EDIL3: variants seen among roughly 807,000 people sequenced by gnomAD.
The protein encoded by EDIL3 is EGF like and discoidin domains 3.
A neutral mutation model predicts 67.4 loss-of-function variants in EDIL3; 37 were observed. That is an observed-to-expected ratio of 0.55 (90% CI 0.42 to 0.72). The LOEUF is 0.72. Among genes scored for constraint, EDIL3 ranks in the 30% least tolerant of loss-of-function variants. EDIL3 has a pLI of 0.00. For missense variants in EDIL3, 527 were observed against 586.3 expected (o/e 0.90, Z 1.04); for synonymous variants, 195 against 196.3 (o/e 0.99, Z 0.05).
intron 1 of EDIL3, among the ~76,000 whole-genome samples, chr5:84,303,959 T>C (rs1357416630): frequency 6.6e-6 from 1 of 152,050 alleles, no homozygotes; most frequent in East Asian, 1.9e-4. Context: ...TTTTCCATTC[T>C]ACAATATATT....
chr5:84,321,960 G>A (rs916351250), intron 1 of EDIL3, among the ~76,000 whole-genome samples: 1 of 152,022 alleles, frequency 6.6e-6, no homozygotes, highest in Admixed American at 6.6e-5. Flanking sequence ...CATGTATGCT[G>A]AGGAAAAGGC....
chr5:84,180,245 G>T (rs995613140), intron 4 of EDIL3, 148 bp downstream of exon 4: 2 of 811,672 alleles, frequency 2.5e-6, no homozygotes, highest in Non-Finnish European at 3.6e-6. Flanking sequence ...TGGACATGGT[G>T]TATTCCATGG....
At chr5:84,116,699 C>A (rs2112293919) in intron 5 of EDIL3, among the ~76,000 whole-genome samples, 1 of 152,234 alleles carries the variant, frequency 6.6e-6, no homozygotes, top group Non-Finnish European at 1.5e-5. Flanking sequence ...CTTTGGTAAT[C>A]CTGAAAGGAA....
chr5:84,366,484 C>T (rs1270287667), intron 1 of EDIL3, among the ~76,000 whole-genome samples: 1 of 152,106 alleles, frequency 6.6e-6, no homozygotes, highest in Non-Finnish European at 1.5e-5. Context: ...TACTTCTTTA[C>T]TTCATAGTTA....
intron 9 of EDIL3, among the ~76,000 whole-genome samples, chr5:84,057,968 C>T (rs79363403): frequency 7.4e-4 from 112 of 152,104 alleles, no homozygotes; most frequent in Non-Finnish European, 8.2e-4. Flanking sequence ...AAATTACAGA[C>T]GATGTAGTAG....
At chr5:84,082,052 A>T (rs138408566) in intron 6 of EDIL3, among the ~76,000 whole-genome samples, 1 of 152,382 alleles carries the variant, frequency 6.6e-6, no homozygotes, top group African/African-American at 2.4e-5. Flanking sequence ...TCATATCTCC[A>T]TCCAGCATGG....
chr5:84,295,059 A>C (rs923265836), intron 1 of EDIL3, among the ~76,000 whole-genome samples: 1 of 152,178 alleles, frequency 6.6e-6, no homozygotes, highest in Admixed American at 6.5e-5. Flanking sequence ...TGTACAGGGA[A>C]TTCAATAATA....
chr5:84,374,370 G>C (rs1184654158), intron 1 of EDIL3, among the ~76,000 whole-genome samples: 1 of 152,172 alleles, frequency 6.6e-6, no homozygotes, highest in Non-Finnish European at 1.5e-5. Flanking sequence ...GTCCTTATCT[G>C]TTAAATTAGA....
intron 4 of EDIL3, among the ~76,000 whole-genome samples, chr5:84,152,153 C>T (rs1182841742): frequency 6.6e-6 from 1 of 151,908 alleles, no homozygotes; most frequent in Non-Finnish European, 1.5e-5. Flanking sequence ...CTCTTGACCT[C>T]GTGATCCACC....
intron 1 of EDIL3, among the ~76,000 whole-genome samples, chr5:84,264,500 G>GGCAC (rs1745306917): frequency 6.6e-6 from 1 of 152,174 alleles, no homozygotes; most frequent in South Asian, 2.1e-4. Context: ...AGGTAGTGCA[G>GGCAC]GCACGCAGCA....
At chr5:84,274,754 C>G (rs955848907) in intron 1 of EDIL3, among the ~76,000 whole-genome samples, 3 of 147,100 alleles carry the variant, frequency 2.0e-5, no homozygotes, top group Non-Finnish European at 4.5e-5. Flanking sequence ...CACACACACA[C>G]AGACACACAC....
intron 1 of EDIL3, among the ~76,000 whole-genome samples, chr5:84,374,861 G>A (rs114920166): frequency 0.019 from 2,960 of 152,052 alleles, 71 homozygotes; most frequent in African/African-American, 0.05. Context: ...CTTCCCCTTC[G>A]GCTTCCACCA....
At chr5:84,235,297 C>G (rs1324064282) in intron 2 of EDIL3, among the ~76,000 whole-genome samples, 2 of 152,126 alleles carry the variant, frequency 1.3e-5, no homozygotes, top group African/African-American at 4.8e-5. Context: ...GTCAACTCCA[C>G]AATCTCAGAA....
intron 6 of EDIL3, among the ~76,000 whole-genome samples, chr5:84,093,193 T>C (rs1261526998): frequency 2.0e-5 from 3 of 152,132 alleles, no homozygotes; most frequent in African/African-American, 7.2e-5. Context: ...CTCCTTTTTT[T>C]TTTTTGTTCA....
intron 3 of EDIL3, 99 bp downstream of exon 3, chr5:84,229,756 C>T (rs1371750029): frequency 1.1e-5 from 14 of 1,274,618 alleles, no homozygotes; most frequent in Non-Finnish European, 1.5e-5. Flanking sequence ...TGCCAATTTT[C>T]TGGTTGAAAT....
intron 1 of EDIL3, among the ~76,000 whole-genome samples, chr5:84,305,150 A>G (rs1027353882): frequency 1.1e-4 from 17 of 152,230 alleles, no homozygotes; most frequent in African/African-American, 4.1e-4. Flanking sequence ...AGAATTAACA[A>G]ATCCAGGGCT....
chr5:84,013,209 G>A (rs556786401), intron 9 of EDIL3, among the ~76,000 whole-genome samples: 17 of 151,608 alleles, frequency 1.1e-4, no homozygotes, highest in Middle Eastern at 3.6e-3. Flanking sequence ...ATGATATAAC[G>A]TATCCTGTAC....
chr5:84,211,651 A>G (rs35605675), intron 3 of EDIL3, among the ~76,000 whole-genome samples: 18,265 of 152,202 alleles, frequency 0.12, 1,315 homozygotes, highest in Non-Finnish European at 0.16. Context: ...TCACAAGTCA[A>G]TGAAGTCAAG....
At chr5:84,047,968 T>C (rs958988255) in intron 9 of EDIL3, 1 of 152,394 alleles carries the variant, frequency 6.6e-6, no homozygotes, top group African/African-American at 2.4e-5. Flanking sequence ...TTCTTATTCA[T>C]GGTATGTGGT....
Sources: allele counts gnomAD v4.1 joint callset (sites outside exome capture counted in the v4.1 genomes callset), GRCh38; gene constraint gnomAD v4.1.1; transcripts MANE v1.5; gene names NCBI Gene and HGNC (gene_info 2026-07-23, HGNC 2026-07-21).